PPP1R3B: variants seen among roughly 807,000 people sequenced by gnomAD.
PPP1R3B encodes protein phosphatase 1 regulatory subunit 3B, also known as PP1 subunit R4.
A neutral mutation model predicts 14.6 loss-of-function variants in PPP1R3B; 8 were observed. The ratio of observed to expected loss-of-function variants is 0.55; its 90% CI spans 0.32 to 0.99. The LOEUF is 0.99. PPP1R3B is among the 50% of genes least tolerant of loss of function. PPP1R3B has a pLI of 0.04. For missense variants in PPP1R3B, 452 were observed against 360.1 expected, an observed-to-expected ratio of 1.26 and a Z score of -2.07; for synonymous variants, 169 against 142.0, an observed-to-expected ratio of 1.19 and a Z score of -1.35.
chr8:9,148,161 C>T (rs1801297210), intron 1 of PPP1R3B, among the ~76,000 whole-genome samples: 1 of 152,140 alleles, frequency 6.6e-6, no homozygotes, highest in South Asian at 2.1e-4. Context: ...ATGGCTGCCG[C>T]CATGCAGAAG....
chr8:9,140,750 G>A lies in PPP1R3B; in HGVS notation c.*44C>T, dbSNP rs1801046381. On this transcript the variant is annotated 3_prime_UTR_variant, in exon 2 of 2. Transcript: ENST00000310455. ...CTCCACTGCACAGTGAGCAGAGCTA[G>A]GCTTGTCTGTGGCAGCTCCGCCACG... is the stretch of plus-strand genomic sequence containing the variant. The A allele has an allele frequency of 1.3e-6, 2 of 1,599,600 alleles. No homozygotes were observed. Among genetic ancestry groups the A allele is most frequent in the South Asian group, 1.1e-5 (1 of 89,122 alleles).
intron 1 of PPP1R3B, among the ~76,000 whole-genome samples, chr8:9,144,865 C>G (rs1194673856): frequency 1.3e-5 from 2 of 152,148 alleles, no homozygotes; most frequent in African/African-American, 2.4e-5. Context: ...CCTGCCTTAG[C>G]CTTTCGAGTA....
At position 9,137,197 on chromosome 8, in the gene PPP1R3B, AATGCTTC is replaced by A. The variant is rs1380139749; in HGVS notation, c.*3590_*3596del. ...TTTTTTAAATAAAGAAACCCACTCA[AATGCTTC>A]ATGTCTTCCAATAGATACTGAAAGC... On this transcript the variant is annotated 3_prime_UTR_variant, in exon 2 of 2. Coordinates refer to ENST00000310455, the MANE Select transcript of PPP1R3B (RefSeq NM_024607.4). 2 of 152,304 alleles carry A rather than the reference AATGCTTC, an allele frequency of 1.3e-5. No homozygotes were observed. Among genetic ancestry groups the A allele is most frequent in the African/African-American group, 4.8e-5 (2 of 41,568 alleles). 9.4% of individuals were successfully genotyped at this position (152,304 alleles called of 1,614,324 possible). A position where few individuals can be genotyped will look rare whatever the true frequency, so the allele number is the denominator to read the frequency against.
Position 9,141,063 on chromosome 8 carries a change from T to G in PPP1R3B, c.589A>C (p.Ser197Arg), listed in dbSNP as rs1209630095. 2 of 1,614,200 alleles carry G rather than the reference T, an allele frequency of 1.2e-6. No individual in the cohort carries two copies. Among genetic ancestry groups the G allele is most frequent in the South Asian group, 1.1e-5 (1 of 91,082 alleles). ...TAAGACTGAATCTTCTCGGGCAAGCTGATGTCGAAGGAGAACGTGTCCCTG... is the reference window on the plus strand; with the variant it reads ...TAAGACTGAATCTTCTCGGGCAAGCGGATGTCGAAGGAGAACGTGTCCCTG... ...SDRDTFSFDI[S>R]LPEKIQSYER... The change falls in exon 2 of 2, where the codon AGC becomes CGC. Residue 197 changes from serine to arginine, a missense_variant. Physicochemically the swap from Ser to Arg is moderately radical, Grantham distance 110. Coordinates refer to ENST00000310455, the MANE Select transcript of PPP1R3B (RefSeq NM_024607.4).
Position 9,139,251 on chromosome 8 carries a change from A to G in PPP1R3B, c.*1543T>C, listed in dbSNP as rs1394667443. 6.6e-6 allele frequency: 1 copy of G among 152,200 alleles called. No homozygotes were observed. The highest frequency in any genetic ancestry group is 1.9e-4 in the East Asian group (1 of 5,184). The allele number at this position is 152,200 out of a possible 1,614,324, so 9.4% of individuals were successfully genotyped here. On this transcript the variant is annotated 3_prime_UTR_variant, in exon 2 of 2. Coordinates refer to ENST00000310455, the MANE Select transcript of PPP1R3B (RefSeq NM_024607.4). ...CTCTTTTACAACAGCACTAACCAAC[A>G]GACTTTAGTCCAATATGGTTAAGAA... is the stretch of plus-strand genomic sequence containing the variant.
In PPP1R3B at chr8:9,137,922, G is replaced by T. The variant is rs1800943653; in HGVS notation, c.*2872C>A. The T allele has an allele frequency of 6.6e-6, 1 of 152,160 alleles. No homozygotes were observed. Among genetic ancestry groups the T allele is most frequent in the Non-Finnish European group, 1.5e-5 (1 of 68,032 alleles). The allele number at this position is 152,160 out of a possible 1,614,324, so 9.4% of individuals were successfully genotyped here. ...CGGGTAGTGGGGAGGGTTTACGGCT[G>T]CTTTAGAAGAGATAGTTATCACTGA... is the stretch of plus-strand genomic sequence containing the variant. On this transcript the variant is annotated 3_prime_UTR_variant, in exon 2 of 2. Coordinates refer to ENST00000310455, the MANE Select transcript of PPP1R3B (RefSeq NM_024607.4).
In PPP1R3B at chr8:9,139,972, C is replaced by T; in HGVS notation, c.*822G>A. The stretch of plus-strand genomic sequence containing the variant: ...AATGTGGGGACTTAGAAAGCTCCCC[C>T]TAGAAGGCAAAAGTAGAAGCTGAAA... On this transcript the variant is annotated 3_prime_UTR_variant, in exon 2 of 2. Transcript: ENST00000310455. 1 of 152,076 alleles carries T rather than the reference C, an allele frequency of 6.6e-6. No individual in the cohort carries two copies. The allele number at this position is 152,076 out of a possible 1,614,324, so 9.4% of individuals were successfully genotyped here. A position where few individuals can be genotyped will look rare whatever the true frequency, so the allele number is the denominator to read the frequency against.
At chr8:9,144,168 AGAT>A (rs1801166027) in intron 1 of PPP1R3B, among the ~76,000 whole-genome samples, 1 of 151,918 alleles carries the variant, frequency 6.6e-6, no homozygotes, top group Non-Finnish European at 1.5e-5. Context: ...AAAATTGAAA[AGAT>A]AATACAAGTT....
chr8:9,144,836 C>T (rs984663945), intron 1 of PPP1R3B, among the ~76,000 whole-genome samples: 2 of 152,170 alleles, frequency 1.3e-5, no homozygotes, highest in Non-Finnish European at 2.9e-5. Flanking sequence ...ACCTCCACCT[C>T]CCAGGTTCAA....
chr8:9,144,290 C>A (rs543582598), intron 1 of PPP1R3B, among the ~76,000 whole-genome samples: 1 of 151,042 alleles, frequency 6.6e-6, no homozygotes, highest in Non-Finnish European at 1.5e-5. Flanking sequence ...TGGGCTCAAG[C>A]GGTCCTCCCA....
Position 9,137,972 on chromosome 8 carries a change from T to C in PPP1R3B, c.*2822A>G, listed in dbSNP as rs1480552341. On this transcript the variant is annotated 3_prime_UTR_variant, in exon 2 of 2. Coordinates refer to ENST00000310455, the MANE Select transcript of PPP1R3B (RefSeq NM_024607.4). The stretch of plus-strand genomic sequence containing the variant: ...AATTACCATATTTCAAATTTTGACA[T>C]GGGAATGTCTTAAGATCATTATTAG... The C allele has an allele frequency of 6.6e-6, 1 of 152,192 alleles. No individual in the cohort carries two copies. The highest frequency in any genetic ancestry group is 1.9e-4 in the East Asian group (1 of 5,200). The allele number at this position is 152,192 out of a possible 1,614,324, so 9.4% of individuals were successfully genotyped here. A position where few individuals can be genotyped will look rare whatever the true frequency, so the allele number is the denominator to read the frequency against.
Position 9,141,653 on chromosome 8 carries a change from G to C in PPP1R3B, c.-2C>G, listed in dbSNP as rs1585339701. 6.2e-7 allele frequency: 1 copy of C among 1,612,868 alleles called. No individual in the cohort carries two copies. Among genetic ancestry groups the C allele is most frequent in the Non-Finnish European group, 8.5e-7 (1 of 1,179,276 alleles). On this transcript the variant is annotated 5_prime_UTR_variant, in exon 2 of 2. Coordinates refer to ENST00000310455, the MANE Select transcript of PPP1R3B (RefSeq NM_024607.4). The stretch of plus-strand genomic sequence containing the variant: ...GTACTCGATGTCCACAGCCATCATG[G>C]GGCTAGATGAACAGGCTAGAACCGT...
At position 9,138,729 on chromosome 8, in the gene PPP1R3B, T is replaced by A. The variant is rs1037191482; in HGVS notation, c.*2065A>T. ...TGCTTGCCTTAGGAAAACTTCACTTTAGTAAGATAAGGCAAAACAGAAAAT... is the reference window on the plus strand; with the variant it reads ...TGCTTGCCTTAGGAAAACTTCACTTAAGTAAGATAAGGCAAAACAGAAAAT... On this transcript the variant is annotated 3_prime_UTR_variant, in exon 2 of 2. Transcript: ENST00000310455. 2.6e-5 allele frequency: 4 copies of A among 152,194 alleles called. No homozygotes were observed. Among genetic ancestry groups the A allele is most frequent in the African/African-American group, 9.6e-5 (4 of 41,454 alleles). 9.4% of individuals were successfully genotyped at this position (152,194 alleles called of 1,614,324 possible).
intron 1 of PPP1R3B, among the ~76,000 whole-genome samples, chr8:9,144,751 T>C (rs935207180): frequency 1.3e-5 from 2 of 152,196 alleles, no homozygotes; most frequent in African/African-American, 4.8e-5. Context: ...TGTTGTTATT[T>C]TTTCCTTTTT....
chr8:9,141,468 G>T lies in PPP1R3B; in HGVS notation c.184C>A (p.Arg62=). The T allele has an allele frequency of 6.2e-7, 1 of 1,614,142 alleles. No homozygotes were observed. Among genetic ancestry groups the T allele is most frequent in the Non-Finnish European group, 8.5e-7 (1 of 1,180,040 alleles). Residue 62 remains arginine, a synonymous_variant, in exon 2 of 2, where the codon CGG becomes AGG. Transcript: ENST00000310455. ...PAVQEKKVKK[R]VSFADNQGLA... is the part of the protein sequence containing the mutation. ...CCCTGGTTGTCTGCGAAGGACACCC[G>T]CTTTTTCACCTTCTTCTCCTGGACA...
intron 1 of PPP1R3B, among the ~76,000 whole-genome samples, chr8:9,145,046 C>G (rs1305339977): frequency 6.6e-6 from 1 of 151,712 alleles, no homozygotes; most frequent in Admixed American, 6.6e-5. Flanking sequence ...CATGGCCAGC[C>G]CATGTGATGT....
chr8:9,141,189 C>A lies in PPP1R3B; in HGVS notation c.463G>T (p.Ala155Ser), dbSNP rs781284275. The change falls in exon 2 of 2, where the codon GCA becomes TCA. Residue 155 changes from alanine (A) to serine (S), a missense_variant. Physicochemically the swap from Ala to Ser is moderately conservative, Grantham distance 99. Transcript: ENST00000310455. ...IAGTVKVQNLAFEKTVKIRMT... is the reference protein window; with the variant it reads ...IAGTVKVQNLSFEKTVKIRMT... ...CTTATTTTCACGGTCTTCTCAAATG[C>A]GAGGTTCTGAACCTTCACAGTGCCT... is the stretch of plus-strand genomic sequence containing the variant. The A allele has an allele frequency of 2.0e-5, 32 of 1,614,192 alleles. No individual in the cohort carries two copies. The highest frequency in any genetic ancestry group is 2.5e-5 in the Non-Finnish European group (30 of 1,180,042).
intron 1 of PPP1R3B, among the ~76,000 whole-genome samples, chr8:9,146,146 T>A (rs1161872785): frequency 6.6e-6 from 1 of 152,228 alleles, no homozygotes; most frequent in Non-Finnish European, 1.5e-5. Context: ...GAGCACTTTT[T>A]ATCATTCTAA....
chr8:9,141,534 G>C lies in PPP1R3B; in HGVS notation c.118C>G (p.Leu40Val). ...CCACTGGCTTCATTCTTGCTGCTCA[G>C]CTGAATACAAGGCCTCAGTGGTTTG... ...PSKPLRPCIQ[L>V]SSKNEASGMV... is the part of the protein sequence containing the mutation. Residue 40 changes from leucine (L) to valine (V), a missense_variant, in exon 2 of 2, where the codon CTG becomes GTG. Leu to Val is a conservative substitution (Grantham distance 32, BLOSUM62 1). Coordinates refer to ENST00000310455, the MANE Select transcript of PPP1R3B (RefSeq NM_024607.4). The C allele has an allele frequency of 6.2e-7, 1 of 1,614,176 alleles. No homozygotes were observed. The highest frequency in any genetic ancestry group is 8.5e-7 in the Non-Finnish European group (1 of 1,180,040).
Sources: allele counts gnomAD v4.1 joint callset (sites outside exome capture counted in the v4.1 genomes callset), GRCh38; gene constraint gnomAD v4.1.1; transcripts MANE v1.5; gene names NCBI Gene and HGNC (gene_info 2026-07-23, HGNC 2026-07-21).